The following ACAN variants were observed in gnomAD, a reference collection of about 807,000 sequenced individuals.
The protein encoded by ACAN is aggrecan.
ACAN carries 47 observed loss-of-function variants against 169.1 expected under a neutral mutation model. The ratio of observed to expected loss-of-function variants is 0.28; its 90% CI spans 0.22 to 0.35. ACAN has a LOEUF of 0.35. Ranked by LOEUF, ACAN falls within the 10% of genes least tolerant of loss-of-function variation. The pLI is 1.00. For synonymous variants in ACAN, 1,115 were observed against 1,112.2 expected (o/e 1.00, Z -0.05); for missense variants, 2,716 against 2,759.9 (o/e 0.98, Z 0.36).
At chr15:88,817,741 C>A (rs2141507447) in intron 1 of ACAN, among the ~76,000 whole-genome samples, 1 of 150,754 alleles carries the variant, frequency 6.6e-6, no homozygotes, top group East Asian at 2.0e-4. Context: ...ATAGTCCCAG[C>A]TCTTCAGGAG....
rs1345287116 is a variant in ACAN at position 88,814,867 on chromosome 15, A to G, written c.-8+11058A>G. ...TGGGGGCTGCCTCTGGCCCTACCGA[A>G]CTCTGCCTCCATCCCCTGTCCTCCT... is the stretch of plus-strand genomic sequence containing the variant. On this transcript the variant is annotated intron_variant, in intron 1 of 18. Coordinates refer to ENST00000560601, the MANE Select transcript of ACAN (RefSeq NM_001369268.1). The surrounding 1 kb of genome is among the most constrained non-coding windows in gnomAD (Gnocchi z 4.0). Among the ~76,000 whole-genome samples, 1 of 152,040 alleles carries G rather than the reference A, an allele frequency of 6.6e-6. No individual in the cohort carries two copies. The highest frequency in any genetic ancestry group is 2.4e-5 in the African/African-American group (1 of 41,388).
Position 88,851,659 on chromosome 15 carries a change from G to A in ACAN, c.2027-135G>A. On this transcript the variant is annotated intron_variant, in intron 10 of 18. Coordinates refer to ENST00000560601, the MANE Select transcript of ACAN (RefSeq NM_001369268.1). The surrounding 1 kb of genome is among the most constrained non-coding windows in gnomAD (Gnocchi z 4.3). ...CCGATGGCTCTTACTAAGCGAGAAG[G>A]CAAACAGCCATCTGCTGAACTAGGA... is the stretch of plus-strand genomic sequence containing the variant. 9.4e-7 allele frequency: 1 copy of A among 1,068,094 alleles called. No homozygotes were observed. Among genetic ancestry groups the A allele is most frequent in the Non-Finnish European group, 1.3e-6 (1 of 759,708 alleles). 66.2% of individuals were successfully genotyped at this position (1,068,094 alleles called of 1,614,324 possible). A position where few individuals can be genotyped will look rare whatever the true frequency, so the allele number is the denominator to read the frequency against.
chr15:88,830,608 C>T (rs11630178), intron 1 of ACAN, among the ~76,000 whole-genome samples: 94,303 of 151,968 alleles, frequency 0.62, 29,651 homozygotes, highest in Middle Eastern at 0.73. Flanking sequence ...ATACTTCCCT[C>T]TGTGTATCTA....
In ACAN at chr15:88,866,395, C is replaced by T. The variant is rs951514118; in HGVS notation, c.6947-1821C>T. Among the ~76,000 whole-genome samples, 6 of 152,132 alleles carry T rather than the reference C, an allele frequency of 3.9e-5. No homozygotes were observed. Among genetic ancestry groups the T allele is most frequent in the Admixed American group, 3.3e-4 (5 of 15,274 alleles). On this transcript the variant is annotated intron_variant, in intron 13 of 18. Transcript: ENST00000560601. This position sits in a 1 kb window ranked among gnomAD's most constrained non-coding sequence, Gnocchi z 5.6. The stretch of plus-strand genomic sequence containing the variant: ...GATAAAAGAGAACAGGCAGGAGAGC[C>T]GCCCCCAGCTTCCGCCCTGCCGACT...
chr15:88,839,123 G>T lies in ACAN; in HGVS notation c.454+77G>T, dbSNP rs1186638810. 1.3e-6 allele frequency: 2 copies of T among 1,545,496 alleles called. No individual in the cohort carries two copies. Among genetic ancestry groups the T allele is most frequent in the South Asian group, 2.4e-5 (2 of 81,824 alleles). On this transcript the variant is annotated intron_variant, in intron 3 of 18. Coordinates refer to ENST00000560601, the MANE Select transcript of ACAN (RefSeq NM_001369268.1). The surrounding 1 kb of genome is among the most constrained non-coding windows in gnomAD (Gnocchi z 4.5). ...AGCAGTCTCCGCAGTGCAGGCGCAG[G>T]CAGGCTGGCCTTCAAACCAGCTCCT...
chr15:88,823,133 C>T (rs2141522056), intron 1 of ACAN, among the ~76,000 whole-genome samples: 1 of 152,326 alleles, frequency 6.6e-6, no homozygotes, highest in East Asian at 1.9e-4. Flanking sequence ...CTGGGTCTCC[C>T]AGCCCCTTCT....
Position 88,874,625 on chromosome 15 carries a change from T to C in ACAN, c.*144T>C. 1.2e-6 allele frequency: 1 copy of C among 815,554 alleles called. No homozygotes were observed. Among genetic ancestry groups the C allele is most frequent in the Non-Finnish European group, 2.0e-6 (1 of 490,026 alleles). 50.5% of individuals were successfully genotyped at this position (815,554 alleles called of 1,614,324 possible). ...AGAAGGAAAAAAATAAATCCCACAT[T>C]TGTGTATGCACCCACTCACCCCTCC... On this transcript the variant is annotated 3_prime_UTR_variant, in exon 19 of 19. Coordinates refer to ENST00000560601, the MANE Select transcript of ACAN (RefSeq NM_001369268.1). The surrounding 1 kb of genome is among the most constrained non-coding windows in gnomAD (Gnocchi z 7.3).
intron 11 of ACAN, among the ~76,000 whole-genome samples, chr15:88,854,586 G>A (rs1897004899): frequency 6.6e-6 from 1 of 152,096 alleles, no homozygotes; most frequent in African/African-American, 2.4e-5. Flanking sequence ...GGCACCTGGG[G>A]GAGCTTCCCA....
Position 88,874,498 on chromosome 15 carries a change from G to A in ACAN, c.*17G>A, listed in dbSNP as rs377128538. 31 of 1,587,158 alleles carry A rather than the reference G, an allele frequency of 2.0e-5. No homozygotes were observed. The highest frequency in any genetic ancestry group is 8.1e-5 in the South Asian group (7 of 86,872). ...GCCCACTGAGAAGAGCTTCCAGGAC[G>A]CACCCAGGACGCTGAGCCCAGGAGC... On this transcript the variant is annotated 3_prime_UTR_variant, in exon 19 of 19. Transcript: ENST00000560601. This position sits in a 1 kb window ranked among gnomAD's most constrained non-coding sequence, Gnocchi z 7.3.
rs1411585276 is a variant in ACAN, at chr15:88,857,825, G to A, written c.5240G>A (p.Gly1747Glu). 1 of 1,613,916 alleles carries A rather than the reference G, an allele frequency of 6.2e-7. No homozygotes were observed. Among genetic ancestry groups the A allele is most frequent in the Non-Finnish European group, 8.5e-7 (1 of 1,179,898 alleles). Residue 1747 changes from glycine (G) to glutamate (E), a missense_variant, in exon 12 of 19, where the codon GGG becomes GAG. Coordinates refer to ENST00000560601, the MANE Select transcript of ACAN (RefSeq NM_001369268.1). ...GQPSGFPDTS[G>E]ETSGVTELSG... ...CCATCAGGGTTTCCTGACACTAGTG[G>A]GGAAACATCTGGAGTGACTGAGCTT...
rs777387397 is a variant in ACAN at position 88,859,093 on chromosome 15, G to C, written c.6508G>C (p.Glu2170Gln). ...GTCCGCTGCCCCAGAAGTGAGTGGA[G>C]AATCCACCACCACCAGTGATGTGGG... ...EASAAPEVSG[E>Q]STTTSDVGTE... The change falls in exon 12 of 19, where the codon GAA becomes CAA. Residue 2170 changes from glutamate (E) to glutamine (Q), a missense_variant. Around this residue, in one of 3 missense-constraint regions of ACAN, gnomAD observed 1,389 missense variants for 1,363.7 expected, o/e 1.02. Coordinates refer to ENST00000560601, the MANE Select transcript of ACAN (RefSeq NM_001369268.1). 6.2e-7 allele frequency: 1 copy of C among 1,613,874 alleles called. No individual in the cohort carries two copies. The highest frequency in any genetic ancestry group is 1.7e-5 in the Admixed American group (1 of 60,024).
At chr15:88,829,554 C>T (rs948025929) in intron 1 of ACAN, among the ~76,000 whole-genome samples, 1 of 152,120 alleles carries the variant, frequency 6.6e-6, no homozygotes, top group Non-Finnish European at 1.5e-5. Context: ...TATGCTACTG[C>T]GTTTATGCAC....
In ACAN at chr15:88,858,455, G is replaced by C. The variant is rs756133965; in HGVS notation, c.5870G>C (p.Gly1957Ala). 1.2e-6 allele frequency: 2 copies of C among 1,613,662 alleles called. No homozygotes were observed. The highest frequency in any genetic ancestry group is 1.7e-6 in the Non-Finnish European group (2 of 1,179,894). ...QAPTAQEAGE[G>A]PSGILELSGA... Reference sequence around the variant, plus strand: ...CCAACAGCCCAAGAGGCAGGAGAAGGGCCTTCTGGCATTTTAGAACTCAGT... The same window carrying C: ...CCAACAGCCCAAGAGGCAGGAGAAGCGCCTTCTGGCATTTTAGAACTCAGT... Residue 1957 changes from glycine to alanine, a missense_variant, in exon 12 of 19, where the codon GGG becomes GCG. This residue lies in a region of ACAN where 1,389 missense variants were observed against 1,363.7 expected (regional missense o/e 1.02). Transcript: ENST00000560601. The surrounding 1 kb of genome is among the most constrained non-coding windows in gnomAD (Gnocchi z 4.0).
chr15:88,852,720 G>A (rs1484500772), intron 11 of ACAN, among the ~76,000 whole-genome samples: 1 of 152,204 alleles, frequency 6.6e-6, no homozygotes, highest in Non-Finnish European at 1.5e-5. Context: ...AAGAGGAGGT[G>A]ATAGATGTAG....
chr15:88,820,101 A>C (rs1297515672), intron 1 of ACAN, among the ~76,000 whole-genome samples: 1 of 152,230 alleles, frequency 6.6e-6, no homozygotes, highest in Non-Finnish European at 1.5e-5. Flanking sequence ...GCTTATGTTC[A>C]AAATGCTGCT....
At position 88,857,630 on chromosome 15, in the gene ACAN, G is replaced by A. The variant is rs1012015182; in HGVS notation, c.5045G>A (p.Gly1682Glu). The change falls in exon 12 of 19, where the codon GGA becomes GAA. Residue 1682 changes from glycine (G) to glutamate (E), a missense_variant. By Grantham distance (98) the Gly-to-Glu change is moderately conservative (BLOSUM62 -2). Transcript: ENST00000560601. ...ACTGCAAGTGAACTGGAAGGGAGGGGAACCATTGGCATCAGTGGTGCAGGA... is the reference window on the plus strand; with the variant it reads ...ACTGCAAGTGAACTGGAAGGGAGGGAAACCATTGGCATCAGTGGTGCAGGA... Reference protein sequence around the residue: ...ASTASELEGRGTIGISGAGEI... With the variant: ...ASTASELEGRETIGISGAGEI... 2.5e-6 allele frequency: 4 copies of A among 1,614,026 alleles called. No homozygotes were observed. Among genetic ancestry groups the A allele is most frequent in the Non-Finnish European group, 3.4e-6 (4 of 1,179,902 alleles).
In ACAN at chr15:88,854,871, TC is replaced by T; in HGVS notation, c.2289del (p.Thr764LeufsTer46). Reference sequence around the variant, plus strand: ...CTACAGGGATCCTTCCTACTTGGCCTCCCACTGGCGCAGCAACAGAGGAAAG... The same window carrying T: ...CTACAGGGATCCTTCCTACTTGGCCTCCACTGGCGCAGCAACAGAGGAAAG... ...PLPGILPTWP[P>X]TGAATEESTE... is the part of the protein sequence containing the mutation. On this transcript the variant is annotated frameshift_variant, in exon 12 of 19. Coordinates refer to ENST00000560601, the MANE Select transcript of ACAN (RefSeq NM_001369268.1). LOFTEE classifies it high-confidence loss of function. The T allele has an allele frequency of 6.7e-7, 1 of 1,498,104 alleles. No homozygotes were observed. The highest frequency in any genetic ancestry group is 1.5e-5 in the South Asian group (1 of 68,230). 92.8% of individuals were successfully genotyped at this position (1,498,104 alleles called of 1,614,324 possible).
At position 88,871,221 on chromosome 15, in the gene ACAN, C is replaced by A. The variant is rs1897370801; in HGVS notation, c.7061-161C>A. 6.6e-6 allele frequency among the ~76,000 whole-genome samples: 1 copy of A among 152,164 alleles called. No homozygotes were observed. The highest frequency in any genetic ancestry group is 1.5e-5 in the Non-Finnish European group (1 of 68,024). The stretch of plus-strand genomic sequence containing the variant: ...GTGCAGAGGCTCCCAGGGACCAGAC[C>A]AGTTTCCAACCTGAACTCCTCCAGC... On this transcript the variant is annotated intron_variant, in intron 14 of 18. Coordinates refer to ENST00000560601, the MANE Select transcript of ACAN (RefSeq NM_001369268.1). The surrounding 1 kb of genome is among the most constrained non-coding windows in gnomAD (Gnocchi z 7.8).
rs115294891 is a variant in ACAN at position 88,837,034 on chromosome 15, G to A, written c.70+758G>A. Among the ~76,000 whole-genome samples the A allele has an allele frequency of 7.0e-3, 1,062 of 152,332 alleles. 16 individuals carry two copies. Among genetic ancestry groups the A allele is most frequent in the African/African-American group, 0.024 (1,018 of 41,580 alleles). On this transcript the variant is annotated intron_variant, in intron 2 of 18. Transcript: ENST00000560601. ...GCACTTCCCCTTTAGAGCACATTCT[G>A]GGGTCCCAGGATGCCCAGAATTTCC...
Sources: gnomAD v4.1 joint callset for allele counts (sites outside exome capture counted in the v4.1 genomes callset) on GRCh38, gnomAD v4.1.1 for gene constraint, gnomAD v4.1.1 regional missense constraint, Gnocchi (gnomAD v3.1) non-coding constraint, MANE v1.5 for transcripts, NCBI Gene and HGNC (gene_info 2026-07-23, HGNC 2026-07-21) for gene names.